The following ERICH2 variants were observed in gnomAD, a reference collection of about 807,000 sequenced individuals.
The protein encoded by ERICH2 is glutamate-rich protein 2.
ERICH2 carries 17 observed loss-of-function variants against 17.4 expected under a neutral mutation model. The observed-to-expected ratio is 0.98, with a 90% CI of 0.67 to 1.47. ERICH2 has a LOEUF of 1.47. ERICH2 is among the 40% of genes most tolerant of loss of function. The probability of loss-of-function intolerance (pLI) is 0.00; values close to 1 mark genes in which losing one functional copy is unlikely to be tolerated. For synonymous variants in ERICH2, 51 were observed against 61.1 expected (o/e 0.83, Z 0.77); for missense variants, 186 against 183.2 (o/e 1.01, Z -0.09).
At chr2:170,773,681 A>T in the ERICH2 span, among the ~76,000 whole-genome samples, 3 of 152,216 alleles carry the variant, frequency 2.0e-5, no homozygotes, top group African/African-American at 7.2e-5. Context: ...GCATAGTTAT[A>T]TGTGACATGT....
the ERICH2 span, among the ~76,000 whole-genome samples, chr2:170,775,172 A>G: frequency 6.6e-6 from 1 of 151,806 alleles, no homozygotes; most frequent in Admixed American, 6.6e-5. Flanking sequence ...CACGCCTGCA[A>G]TCCCAGCACT....
At chr2:170,791,183 A>G (rs192195845) in intron 2 of ERICH2, among the ~76,000 whole-genome samples, 26 of 152,308 alleles carry the variant, frequency 1.7e-4, no homozygotes, top group Admixed American at 1.7e-3. Context: ...TAAGAATTCT[A>G]TTGCATGAGT....
the ERICH2 span, among the ~76,000 whole-genome samples, chr2:170,778,488 G>A: frequency 2.0e-5 from 3 of 151,818 alleles, no homozygotes; most frequent in Non-Finnish European, 4.4e-5. Context: ...TTGTCAAAAC[G>A]AAAAATGTCC....
intron 1 of ERICH2, among the ~76,000 whole-genome samples, chr2:170,784,412 C>T (rs1190791567): frequency 3.3e-5 from 5 of 152,144 alleles, no homozygotes; most frequent in Non-Finnish European, 7.3e-5. Context: ...TATATTTAAC[C>T]TCTGTGTCCC....
At chr2:170,778,572 A>C in the ERICH2 span, among the ~76,000 whole-genome samples, 7 of 152,076 alleles carry the variant, frequency 4.6e-5, no homozygotes, top group Non-Finnish European at 8.8e-5. Context: ...AAGAGAAAGT[A>C]ATGTATAGCA....
At chr2:170,795,839 T>G (rs1701402360) in intron 3 of ERICH2, among the ~76,000 whole-genome samples, 1 of 152,174 alleles carries the variant, frequency 6.6e-6, no homozygotes, top group African/African-American at 2.4e-5. Context: ...AGCCTGAGAT[T>G]CTCTACATAA....
At chr2:170,798,806 GTGA>G (rs1415289825) in exon 5 of ERICH2, 3 of 1,550,614 alleles carry the variant, frequency 1.9e-6, no homozygotes, top group Admixed American at 2.0e-5. Context: ...GGTGAAAACA[GTGA>G]TGAAGACAGC....
intron 4 of ERICH2, among the ~76,000 whole-genome samples, chr2:170,798,512 G>A (rs150677339): frequency 3.3e-4 from 50 of 152,098 alleles, no homozygotes; most frequent in African/African-American, 1.1e-3. Context: ...CTATGAAATC[G>A]TTAAATAGAA....
At chr2:170,789,208 G>A (rs191268777) in intron 2 of ERICH2, among the ~76,000 whole-genome samples, 1,771 of 150,064 alleles carry the variant, frequency 0.012, 47 homozygotes, top group African/African-American at 0.041. Flanking sequence ...CAGGTGATCC[G>A]CCCACCTCGG....
At chr2:170,791,740 T>A (rs1701296210) in intron 2 of ERICH2, among the ~76,000 whole-genome samples, 2 of 151,272 alleles carry the variant, frequency 1.3e-5, no homozygotes, top group African/African-American at 4.8e-5. Context: ...AAATAAATAA[T>A]TAGTATGTGA....
At chr2:170,793,622 G>A (rs1701343363) in intron 3 of ERICH2, among the ~76,000 whole-genome samples, 1 of 152,198 alleles carries the variant, frequency 6.6e-6, no homozygotes, top group South Asian at 2.1e-4. Context: ...AGTGTAACTG[G>A]AGCAGAATGA....
At chr2:170,777,297 C>T in the ERICH2 span, 3 of 385,718 alleles carry the variant, frequency 7.8e-6, no homozygotes, top group African/African-American at 6.5e-5. Flanking sequence ...GAAATGTTTA[C>T]ATAAAGGCTA....
intron 4 of ERICH2, 72 bp downstream of exon 9, chr2:170,798,184 G>C: frequency 1.9e-6 from 2 of 1,030,614 alleles, no homozygotes; most frequent in Non-Finnish European, 1.5e-6. Flanking sequence ...CCATTATCCC[G>C]GGAGATTGTC....
the ERICH2 span, chr2:170,770,972 C>A: frequency 6.8e-6 from 1 of 147,272 alleles, no homozygotes; most frequent in South Asian, 1.9e-4. Flanking sequence ...CCGGGCTGCC[C>A]CTGCCCCCGC....
intron 2 of ERICH2, among the ~76,000 whole-genome samples, chr2:170,789,379 C>G (rs990563387): frequency 6.6e-6 from 1 of 152,122 alleles, no homozygotes; most frequent in African/African-American, 2.4e-5. Context: ...AACACTATAT[C>G]CTTATCACAA....
intron 2 of ERICH2, among the ~76,000 whole-genome samples, chr2:170,787,275 CTTTT>C (rs1015369222): frequency 3.3e-5 from 5 of 152,174 alleles, no homozygotes; most frequent in African/African-American, 4.8e-5. Flanking sequence ...GGGGTACAAA[CTTTT>C]TTTGTTTTTC....
At chr2:170,782,035 C>A (rs180705846), upstream of ERICH2, among the ~76,000 whole-genome samples, 2 of 152,092 alleles carry the variant, frequency 1.3e-5, no homozygotes, top group Admixed American at 6.5e-5. Flanking sequence ...AATTGTTATA[C>A]GATAACAAAT....
At chr2:170,785,595 TTTATTAAG>T (rs913954959) in intron 2 of ERICH2, among the ~76,000 whole-genome samples, 22 of 93,732 alleles carry the variant, frequency 2.3e-4, no homozygotes, top group Admixed American at 4.2e-4. Flanking sequence ...ACAAAAGTTA[TTTATTAAG>T]TTTTCTGGGA....
chr2:170,798,290 C>A (rs998246952), intron 4 of ERICH2, among the ~76,000 whole-genome samples, 178 bp downstream of exon 9: 2 of 152,142 alleles, frequency 1.3e-5, no homozygotes, highest in African/African-American at 4.8e-5. Context: ...ACAATGACCC[C>A]CTTCTCTCTG....
Sources: allele counts gnomAD v4.1 joint callset (sites outside exome capture counted in the v4.1 genomes callset), GRCh38; gene constraint gnomAD v4.1.1; transcripts MANE v1.5; gene names NCBI Gene and HGNC (gene_info 2026-07-23, HGNC 2026-07-21).